Variants in UGT2B4 observed in about 807,000 individuals in gnomAD.
UGT2B4 encodes UDP-glucuronosyltransferase 2B4.
A neutral mutation model predicts 49.8 loss-of-function variants in UGT2B4; 49 were observed. The ratio of observed to expected loss-of-function variants is 0.98; its 90% CI spans 0.78 to 1.25. UGT2B4 has a LOEUF of 1.25. Among genes scored for constraint, UGT2B4 ranks in the 50% most tolerant of loss-of-function variants. The pLI is 0.00. For synonymous variants in UGT2B4, 246 were observed against 217.7 expected (o/e 1.13, Z -1.14); for missense variants, 729 against 627.7 (o/e 1.16, Z -1.73).
chr4:69,502,657 C>T (rs972422343), intron 1 of UGT2B4, among the ~76,000 whole-genome samples: 2 of 152,102 alleles, frequency 1.3e-5, no homozygotes, highest in African/African-American at 4.8e-5. Flanking sequence ...CTAGCCACTC[C>T]CTGCCAGAAC....
rs1727554328 is a variant in UGT2B4, at chr4:69,480,620, A to C, written c.*14T>G. On this transcript the variant is annotated 3_prime_UTR_variant, in exon 6 of 6. Coordinates refer to ENST00000305107, the MANE Select transcript of UGT2B4 (RefSeq NM_021139.3). ...TCATTTATTGGGTTTCCCAGCTTCC[A>C]GCCTCAGACGTAATTAATCTCTTTT... is the stretch of plus-strand genomic sequence containing the variant. 6.2e-7 allele frequency: 1 copy of C among 1,609,770 alleles called. No individual in the cohort carries two copies. The highest frequency in any genetic ancestry group is 1.1e-5 in the South Asian group (1 of 90,824).
At position 69,480,898 on chromosome 4, in the gene UGT2B4, A is replaced by G. The variant is rs201984562; in HGVS notation, c.1323T>C (p.Asn441=). The change falls in exon 6 of 6, where the codon AAT becomes AAC. Residue 441 remains asparagine, a synonymous_variant. Coordinates refer to ENST00000305107, the MANE Select transcript of UGT2B4 (RefSeq NM_021139.3). The part of the protein sequence containing the change: ...TVINDPLYKE[N]AMKLSRIHHD... Reference sequence around the variant, plus strand: ...GATGAATTCTTGATAATTTCATAGCATTCTCTTTATATCTAAACGATAAGC... The same window carrying G: ...GATGAATTCTTGATAATTTCATAGCGTTCTCTTTATATCTAAACGATAAGC... 6.2e-7 allele frequency: 1 copy of G among 1,613,716 alleles called. No homozygotes were observed. The highest frequency in any genetic ancestry group is 1.3e-5 in the African/African-American group (1 of 74,956).
chr4:69,483,962 GAC>G (rs1727689537), intron 5 of UGT2B4, among the ~76,000 whole-genome samples: 1 of 151,770 alleles, frequency 6.6e-6, no homozygotes, highest in East Asian at 1.9e-4. Flanking sequence ...TCAATAATAA[GAC>G]AAATATCAAA....
chr4:69,495,056 C>G (rs543996143), intron 1 of UGT2B4, 85 bp downstream of exon 1: 1 of 1,295,998 alleles, frequency 7.7e-7, no homozygotes, highest in East Asian at 2.5e-5. Flanking sequence ...ACCCCACTAC[C>G]CTGACTTTAT....
Position 69,480,647 on chromosome 4 carries a change from C to G in UGT2B4, c.1574G>C (p.Gly525Ala). Residue 525 changes from glycine to alanine, a missense_variant, in exon 6 of 6, where the codon GGG becomes GCG. Physicochemically the swap from Gly to Ala is moderately conservative, Grantham distance 60. Transcript: ENST00000305107. The part of the protein sequence containing the change: ...VWKFVRTGKK[G>A]KRD ...CCTCAGACGTAATTAATCTCTTTTC[C>G]CCTTCTTTCCTGTTCTAACAAACTT... 1 of 1,613,786 alleles carries G rather than the reference C, an allele frequency of 6.2e-7. No individual in the cohort carries two copies.
chr4:69,505,072 A>G (rs1728435076), intron 1 of UGT2B4, among the ~76,000 whole-genome samples: 1 of 152,210 alleles, frequency 6.6e-6, no homozygotes, highest in Non-Finnish European at 1.5e-5. Flanking sequence ...AGGAAGCACT[A>G]AATGTAGAAG....
intron 1 of UGT2B4, among the ~76,000 whole-genome samples, chr4:69,522,015 T>A (rs993045323): frequency 6.6e-6 from 1 of 152,218 alleles, no homozygotes. Flanking sequence ...TAGCCTTTTT[T>A]ATCCAAGATT....
At chr4:69,512,436 T>C (rs1045642099) in intron 1 of UGT2B4, among the ~76,000 whole-genome samples, 1 of 152,186 alleles carries the variant, frequency 6.6e-6, no homozygotes, top group African/African-American at 2.4e-5. Context: ...TTATTTTTTA[T>C]GTAAGTTTGA....
In UGT2B4 at chr4:69,502,089, CTCTCTTTCTTTCTTTCTT is replaced by C. The variant is rs1258044015; in HGVS notation, c.-105-6141_-105-6124del. The stretch of plus-strand genomic sequence containing the variant: ...TTCCTTCTTTTCTTTCTTTCTTTCT[CTCTCTTTCTTTCTTTCTT>C]TCTTTCTTTCTTTCTTTCTTTCTTT... On this transcript the variant is annotated intron_variant, in intron 1 of 1. Coordinates refer to the UGT2B4 transcript ENST00000510114. Among the ~76,000 whole-genome samples, 8 of 84,148 alleles carry C rather than the reference CTCTCTTTCTTTCTTTCTT, an allele frequency of 9.5e-5. 1 individual carries two copies. The highest frequency in any genetic ancestry group is 3.7e-4 in the African/African-American group (8 of 21,698). The allele number at this position is 84,148 out of a possible 152,430, so 55.2% of individuals were successfully genotyped here. A position where few individuals can be genotyped will look rare whatever the true frequency, so the allele number is the denominator to read the frequency against.
chr4:69,486,138 G>T (rs561414165), intron 4 of UGT2B4, among the ~76,000 whole-genome samples: 1 of 152,220 alleles, frequency 6.6e-6, no homozygotes, highest in Admixed American at 6.5e-5. Context: ...GGTGGTGGTG[G>T]TGCTAGAATT....
chr4:69,491,683 G>A (rs764674975), intron 2 of UGT2B4, among the ~76,000 whole-genome samples: 1 of 152,002 alleles, frequency 6.6e-6, no homozygotes, highest in Non-Finnish European at 1.5e-5. Flanking sequence ...CATGTACTAC[G>A]ACTCAATCTT....
chr4:69,509,297 G>A (rs571553917), intron 1 of UGT2B4, among the ~76,000 whole-genome samples: 2 of 150,752 alleles, frequency 1.3e-5, no homozygotes, highest in African/African-American at 2.4e-5. Context: ...TCAGCCTCCT[G>A]AGTAGCTGGG....
Position 69,517,235 on chromosome 4 carries a change from C to T in UGT2B4, c.-106+8452G>A, listed in dbSNP as rs138307580. Among the ~76,000 whole-genome samples, 64 of 151,820 alleles carry T rather than the reference C, an allele frequency of 4.2e-4. No homozygotes were observed. The East Asian group carries it at 0.011, about 26-fold the overall frequency. ...TTTCTCAAATTTTTGTTTAGCCCTC[C>T]CCCCCAAGAAATATAAAGCATCCTG... is the stretch of plus-strand genomic sequence containing the variant. On this transcript the variant is annotated intron_variant, in intron 1 of 1. Coordinates refer to the UGT2B4 transcript ENST00000510114.
chr4:69,516,631 G>T (rs1449778966), intron 1 of UGT2B4, among the ~76,000 whole-genome samples: 1 of 152,034 alleles, frequency 6.6e-6, no homozygotes, highest in Non-Finnish European at 1.5e-5. Flanking sequence ...ATTTAAGACG[G>T]GGTCTTGCTC....
chr4:69,502,192 T>C (rs1288833357), intron 1 of UGT2B4, among the ~76,000 whole-genome samples: 1 of 29,922 alleles, frequency 3.3e-5, no homozygotes. Flanking sequence ...CAGTTGTTAT[T>C]TATTAATAAT....
In UGT2B4 at chr4:69,495,894, C is replaced by T. The variant is rs1728149214; in HGVS notation, c.-33G>A. The T allele has an allele frequency of 6.5e-7, 1 of 1,542,572 alleles. No individual in the cohort carries two copies. The highest frequency in any genetic ancestry group is 8.7e-7 in the Non-Finnish European group (1 of 1,148,862). Reference sequence around the variant, plus strand: ...CAATGCAATGCTTGTTTTCCAGTTGCTGCTCCTTTCTGTCATTTCTCATGG... The same window carrying T: ...CAATGCAATGCTTGTTTTCCAGTTGTTGCTCCTTTCTGTCATTTCTCATGG... On this transcript the variant is annotated 5_prime_UTR_variant, in exon 1 of 6. Coordinates refer to ENST00000305107, the MANE Select transcript of UGT2B4 (RefSeq NM_021139.3).
upstream of UGT2B4, among the ~76,000 whole-genome samples, chr4:69,500,176 A>G (rs955528002): frequency 3.9e-5 from 6 of 152,158 alleles, no homozygotes; most frequent in South Asian, 2.1e-4. Flanking sequence ...GTTTTCACTT[A>G]TAAGTCAGAA....
upstream of UGT2B4, among the ~76,000 whole-genome samples, chr4:69,497,599 G>A (rs779243530): frequency 1.3e-5 from 2 of 152,162 alleles, no homozygotes; most frequent in African/African-American, 2.4e-5. Context: ...ACTTGAAGAC[G>A]TAAGTAAACT....
chr4:69,523,693 A>G (rs72848501), intron 1 of UGT2B4, among the ~76,000 whole-genome samples: 8,059 of 152,144 alleles, frequency 0.053, 453 homozygotes, highest in East Asian at 0.3. Flanking sequence ...CACTAACAAA[A>G]GAGTCAGCCT....
Sources: allele counts gnomAD v4.1 joint callset (sites outside exome capture counted in the v4.1 genomes callset), GRCh38; gene constraint gnomAD v4.1.1; transcripts MANE v1.5; gene names NCBI Gene and HGNC (gene_info 2026-07-23, HGNC 2026-07-21).